Variants in OPCML observed in about 807,000 individuals in gnomAD.
OPCML encodes opioid binding protein/cell adhesion molecule like, also known as opioid-binding protein/cell adhesion molecule.
OPCML carries 13 observed loss-of-function variants against 37.8 expected under a neutral mutation model. The observed-to-expected ratio is 0.34, with a 90% confidence interval of 0.22 to 0.55. The LOEUF (loss-of-function observed/expected upper bound fraction) is 0.55, where lower values mean the gene tolerates loss of function less well. Ranked by LOEUF, OPCML falls within the 20% of genes least tolerant of loss-of-function variation. The probability of loss-of-function intolerance (pLI) is 0.91; values close to 1 mark genes in which losing one functional copy is unlikely to be tolerated. For missense variants in OPCML, 341 were observed against 435.6 expected, an observed-to-expected ratio of 0.78 and a Z score of 1.93; for synonymous variants, 176 against 168.8, an observed-to-expected ratio of 1.04 and a Z score of -0.33.
intron 3 of OPCML, among the ~76,000 whole-genome samples, chr11:132,575,179 G>A (rs2096447471): frequency 6.6e-6 from 1 of 151,894 alleles, no homozygotes; most frequent in Admixed American, 6.6e-5. Context: ...CACTTGAGTT[G>A]AGGTCATGTT....
intron 2 of OPCML, among the ~76,000 whole-genome samples, chr11:132,711,524 C>A (rs1045775362): frequency 1.3e-5 from 2 of 152,164 alleles, no homozygotes; most frequent in Non-Finnish European, 2.9e-5. Flanking sequence ...TGTCCACTTA[C>A]CTTTGAGGAA....
chr11:133,527,505 C>T (rs1185248569), intron 1 of OPCML, among the ~76,000 whole-genome samples: 1 of 152,182 alleles, frequency 6.6e-6, no homozygotes, highest in Non-Finnish European at 1.5e-5. Context: ...TAATTTTCAT[C>T]ACTGTGACAA....
At position 132,529,083 on chromosome 11, in the gene OPCML, T is replaced by C. The variant is rs770195805; in HGVS notation, c.483A>G (p.Thr161=). ...TACCCTTGACTGACAGGTGTCTCCA[T>C]GTCACAGTTGGCTCTGGTCTGCCAA... ...LAIGRPEPTV[T]WRHLSVKEGQ... Residue 161 remains threonine (T), a synonymous_variant, in exon 4 of 8, where the codon ACA becomes ACG. Transcript: ENST00000524381. 6.8e-6 allele frequency: 11 copies of C among 1,613,060 alleles called. No individual in the cohort carries two copies. The highest frequency in any genetic ancestry group is 1.1e-5 in the South Asian group (1 of 90,932).
chr11:132,835,709 C>T (rs1310340258), intron 2 of OPCML, among the ~76,000 whole-genome samples: 2 of 152,168 alleles, frequency 1.3e-5, no homozygotes, highest in Admixed American at 6.5e-5. Context: ...TCTTTCACCA[C>T]CTTGCTTTTG....
At chr11:132,701,761 ATT>A (rs1491352122) in intron 2 of OPCML, among the ~76,000 whole-genome samples, 1 of 72,500 alleles carries the variant, frequency 1.4e-5, no homozygotes, top group Non-Finnish European at 2.7e-5. Flanking sequence ...CAATTTGATG[ATT>A]GTGTGTGTGT....
At chr11:133,082,756 C>T (rs1175752998) in intron 1 of OPCML, among the ~76,000 whole-genome samples, 5 of 146,742 alleles carry the variant, frequency 3.4e-5, no homozygotes, top group African/African-American at 1.0e-4. Context: ...CCCGCCGCTG[C>T]GGACCCCATG....
At chr11:132,644,960 T>C (rs1316460577) in intron 3 of OPCML, among the ~76,000 whole-genome samples, 1 of 152,172 alleles carries the variant, frequency 6.6e-6, no homozygotes, top group Non-Finnish European at 1.5e-5. Context: ...ATAAATTAAT[T>C]GACCTGAACA....
intron 2 of OPCML, among the ~76,000 whole-genome samples, chr11:132,782,923 A>ATATATATATATATATG (rs1947083327): frequency 7.0e-6 from 1 of 143,392 alleles, no homozygotes; most frequent in Non-Finnish European, 1.5e-5. Flanking sequence ...GTGTGTATAT[A>ATATATATATATATATG]TATATATATA....
chr11:132,611,215 A>G (rs1230510484), intron 3 of OPCML, among the ~76,000 whole-genome samples: 1 of 152,190 alleles, frequency 6.6e-6, no homozygotes, highest in African/African-American at 2.4e-5. Flanking sequence ...GATATAAATG[A>G]GTAACTTGGT....
At chr11:133,483,711 GATA>G (rs2120363761) in intron 1 of OPCML, among the ~76,000 whole-genome samples, 2 of 145,572 alleles carry the variant, frequency 1.4e-5, no homozygotes, top group South Asian at 2.3e-4. Context: ...TAGATAGATA[GATA>G]GATAGATAAA....
At chr11:132,586,246 A>G (rs2096472394) in intron 3 of OPCML, among the ~76,000 whole-genome samples, 1 of 152,244 alleles carries the variant, frequency 6.6e-6, no homozygotes, top group Non-Finnish European at 1.5e-5. Flanking sequence ...CAAGTAAAAG[A>G]AAAATGAAAC....
intron 3 of OPCML, among the ~76,000 whole-genome samples, chr11:132,624,373 G>A (rs1241040821): frequency 6.6e-6 from 1 of 152,118 alleles, no homozygotes; most frequent in East Asian, 1.9e-4. Flanking sequence ...AGCTGGCTTT[G>A]TTTCCTTTCA....
At chr11:133,005,217 T>C (rs1947085419) in intron 1 of OPCML, 1 of 985,216 alleles carries the variant, frequency 1.0e-6, no homozygotes, top group Non-Finnish European at 1.2e-6. Flanking sequence ...CCAACCACAA[T>C]TCCTGGGGAG....
intron 1 of OPCML, among the ~76,000 whole-genome samples, chr11:132,965,570 C>T (rs889947848): frequency 2.0e-5 from 3 of 152,128 alleles, no homozygotes; most frequent in African/African-American, 7.2e-5. Flanking sequence ...GTCTCGCTCT[C>T]TTGCCAGGCT....
At chr11:132,439,579 T>C (rs2096025061) in intron 4 of OPCML, among the ~76,000 whole-genome samples, 1 of 152,210 alleles carries the variant, frequency 6.6e-6, no homozygotes, top group Non-Finnish European at 1.5e-5. Flanking sequence ...AAAGGGATTC[T>C]GAGATTACTT....
In OPCML at chr11:132,473,852, G is replaced by A. The variant is rs934339675; in HGVS notation, c.506-36493C>T. ...CAAAAAAATCATAATCCATAACTAC[G>A]TAAAGGAATGGCTTTACATAAGGCC... On this transcript the variant is annotated intron_variant, in intron 4 of 7. Transcript: ENST00000524381. Among the ~76,000 whole-genome samples, 8 of 152,126 alleles carry A rather than the reference G, an allele frequency of 5.3e-5. 1 individual carries two copies. In the South Asian group the frequency reaches 6.2e-4, roughly 12 times the overall value.
chr11:133,240,489 G>C (rs1337541443), intron 1 of OPCML, among the ~76,000 whole-genome samples: 1 of 152,188 alleles, frequency 6.6e-6, no homozygotes, highest in Non-Finnish European at 1.5e-5. Context: ...GGCTCACCTG[G>C]TCTTCATTCC....
At chr11:133,438,057 C>T (rs1946281741) in intron 1 of OPCML, among the ~76,000 whole-genome samples, 1 of 152,044 alleles carries the variant, frequency 6.6e-6, no homozygotes, top group Admixed American at 6.6e-5. Context: ...TCAAATAAAA[C>T]ACTAAAAGTT....
intron 7 of OPCML, among the ~76,000 whole-genome samples, chr11:132,433,154 G>A (rs1032637168): frequency 6.6e-6 from 1 of 152,206 alleles, no homozygotes; most frequent in African/African-American, 2.4e-5. Flanking sequence ...AGGAAAAGAA[G>A]TCCAGTTGAG....
Sources: allele counts gnomAD v4.1 joint callset (sites outside exome capture counted in the v4.1 genomes callset), GRCh38; gene constraint gnomAD v4.1.1; transcripts MANE v1.5; gene names NCBI Gene and HGNC (gene_info 2026-07-23, HGNC 2026-07-21).